Variants in KCNG3 observed in about 807,000 individuals in gnomAD.
KCNG3 encodes the protein potassium voltage-gated channel modifier subfamily G member 3.
KCNG3 carries 15 observed loss-of-function variants against 29.0 expected under a neutral mutation model. The observed-to-expected ratio is 0.52, with a 90% CI of 0.35 to 0.80. The LOEUF is 0.80. Ranked by LOEUF, KCNG3 falls within the 30% of genes least tolerant of loss-of-function variation. The pLI is 0.01. For missense variants in KCNG3, 512 were observed against 605.7 expected, an observed-to-expected ratio of 0.85 and a Z score of 1.62; for synonymous variants, 322 against 248.9, an observed-to-expected ratio of 1.29 and a Z score of -2.76.
intron 1 of KCNG3, among the ~76,000 whole-genome samples, chr2:42,456,764 A>C (rs1351978286): frequency 6.6e-6 from 1 of 152,222 alleles, no homozygotes; most frequent in Non-Finnish European, 1.5e-5. Context: ...TCAGATTTAA[A>C]TGTACAAAGC....
chr2:42,492,776 T>TGGACGGGACGGACAGACGCGACAGGAC, intron 1 of KCNG3, 61 bp downstream of exon 1: 1 of 1,358,996 alleles, frequency 7.4e-7, no homozygotes, highest in Non-Finnish European at 9.6e-7. Flanking sequence ...ACGGGACGTA[T>TGGACGGGACGGACAGACGCGACAGGAC]GGACGGGACG....
At chr2:42,461,077 C>T (rs928526759) in intron 1 of KCNG3, among the ~76,000 whole-genome samples, 1 of 148,338 alleles carries the variant, frequency 6.7e-6, no homozygotes, top group African/African-American at 2.5e-5. Flanking sequence ...AGGAGGATGG[C>T]GTGAACTCAG....
intron 1 of KCNG3, among the ~76,000 whole-genome samples, chr2:42,492,087 T>C (rs1223908313): frequency 1.3e-5 from 2 of 152,068 alleles, no homozygotes; most frequent in East Asian, 1.9e-4. Context: ...CCTAGTAAAG[T>C]AGAAAAAAAA....
intron 1 of KCNG3, among the ~76,000 whole-genome samples, chr2:42,465,131 AAATT>A (rs1466365475): frequency 6.6e-6 from 1 of 152,236 alleles, no homozygotes; most frequent in African/African-American, 2.4e-5. Context: ...CCACACACAA[AAATT>A]AATGAGAATG....
the KCNG3 span, among the ~76,000 whole-genome samples, chr2:42,403,229 C>T: frequency 1.3e-5 from 2 of 152,038 alleles, no homozygotes; most frequent in Non-Finnish European, 2.9e-5. Flanking sequence ...CAGCCTCAAC[C>T]GTCCCAGGCT....
chr2:42,462,783 AAGGTTCAATTATCAGGAAGTCACAG>A (rs1673049887), intron 1 of KCNG3, among the ~76,000 whole-genome samples: 1 of 152,232 alleles, frequency 6.6e-6, no homozygotes, highest in East Asian at 1.9e-4. Context: ...TTAGGAAACC[AAGGTTCAATTATCAGGAAGTCACAG>A]TTTCATTCAT....
chr2:42,465,352 G>C (rs1023912359), intron 1 of KCNG3, among the ~76,000 whole-genome samples: 1 of 151,640 alleles, frequency 6.6e-6, no homozygotes, highest in African/African-American at 2.4e-5. Flanking sequence ...AAGTAGCTCG[G>C]ACTACAGGTG....
intron 1 of KCNG3, among the ~76,000 whole-genome samples, chr2:42,462,083 T>C (rs1377627763): frequency 6.6e-6 from 1 of 152,182 alleles, no homozygotes; most frequent in Non-Finnish European, 1.5e-5. Flanking sequence ...AATGTACCCA[T>C]TAAACTGCTA....
chr2:42,441,889 G>C (rs1672494960), downstream of KCNG3: 1 of 141,778 alleles, frequency 7.1e-6, no homozygotes, highest in Admixed American at 7.6e-5. Flanking sequence ...TTGTGCCCAA[G>C]TCTGTAACAG....
At chr2:42,416,864 A>C in the KCNG3 span, among the ~76,000 whole-genome samples, 1 of 152,082 alleles carries the variant, frequency 6.6e-6, no homozygotes, top group Non-Finnish European at 1.5e-5. Flanking sequence ...TTAAGGTGAC[A>C]GATATGTTAA....
At chr2:42,469,216 A>C (rs1354837154) in intron 1 of KCNG3, among the ~76,000 whole-genome samples, 1 of 151,976 alleles carries the variant, frequency 6.6e-6, no homozygotes, top group Non-Finnish European at 1.5e-5. Context: ...CAGAAGGTGG[A>C]GACCAGCCTG....
Position 42,444,612 on chromosome 2 carries a change from T to G in KCNG3, c.666-33A>C. On this transcript the variant is annotated intron_variant, in intron 1 of 1. Transcript: ENST00000306078. The surrounding 1 kb of genome is among the most constrained non-coding windows in gnomAD (Gnocchi z 5.8). Reference sequence around the variant, plus strand: ...GAGAACAAAAGAAGAATTGATCATTTTATTTTTAAGCATTTTAATAGCTCT... The same window carrying G: ...GAGAACAAAAGAAGAATTGATCATTGTATTTTTAAGCATTTTAATAGCTCT... 6.4e-7 allele frequency: 1 copy of G among 1,563,104 alleles called. No individual in the cohort carries two copies. The highest frequency in any genetic ancestry group is 8.7e-7 in the Non-Finnish European group (1 of 1,154,178).
chr2:42,452,770 G>GCT (rs1672792816), intron 1 of KCNG3, among the ~76,000 whole-genome samples: 1 of 150,214 alleles, frequency 6.7e-6, no homozygotes, highest in African/African-American at 2.4e-5. Context: ...CATTCAACTG[G>GCT]GTGTGTGTGT....
chr2:42,461,929 G>C (rs1222966577), intron 1 of KCNG3, among the ~76,000 whole-genome samples: 2 of 152,112 alleles, frequency 1.3e-5, no homozygotes, highest in Non-Finnish European at 2.9e-5. Flanking sequence ...TTTATCTACA[G>C]AACAACTTGG....
At chr2:42,407,448 C>T in the KCNG3 span, among the ~76,000 whole-genome samples, 1 of 152,168 alleles carries the variant, frequency 6.6e-6, no homozygotes, top group African/African-American at 2.4e-5. Flanking sequence ...CTGTCTGGAG[C>T]GGATGCTGCC....
chr2:42,419,753 G>A, the KCNG3 span, among the ~76,000 whole-genome samples: 29 of 152,140 alleles, frequency 1.9e-4, no homozygotes, highest in African/African-American at 6.8e-4. Flanking sequence ...AACTTCAACA[G>A]AATAAAATAA....
the KCNG3 span, among the ~76,000 whole-genome samples, chr2:42,395,459 T>C: frequency 6.6e-6 from 1 of 152,142 alleles, no homozygotes; most frequent in Non-Finnish European, 1.5e-5. Flanking sequence ...CCCAGCACTT[T>C]GGGACTACAG....
At chr2:42,405,350 G>A in the KCNG3 span, among the ~76,000 whole-genome samples, 1 of 151,350 alleles carries the variant, frequency 6.6e-6, no homozygotes, top group Non-Finnish European at 1.5e-5. Context: ...TCTCCTTTGT[G>A]TTTGTTTTCT....
At chr2:42,459,122 G>T (rs916956877) in intron 1 of KCNG3, among the ~76,000 whole-genome samples, 1 of 151,694 alleles carries the variant, frequency 6.6e-6, no homozygotes, top group African/African-American at 2.4e-5. Flanking sequence ...CTTGAACCCG[G>T]GATGTGGAGG....
Sources: allele counts gnomAD v4.1 joint callset (sites outside exome capture counted in the v4.1 genomes callset), GRCh38; gene constraint gnomAD v4.1.1; non-coding constraint Gnocchi (gnomAD v3.1); transcripts MANE v1.5; gene names NCBI Gene and HGNC (gene_info 2026-07-23, HGNC 2026-07-21).